Variants in ARHGAP39 observed in about 807,000 individuals in gnomAD.
ARHGAP39 encodes the protein rho GTPase-activating protein 39.
A neutral mutation model predicts 106.9 loss-of-function variants in ARHGAP39; 44 were observed. The observed-to-expected ratio is 0.41, with a 90% CI of 0.32 to 0.53. The LOEUF (loss-of-function observed/expected upper bound fraction) is 0.53, where lower values mean the gene tolerates loss of function less well. Ranked by LOEUF, ARHGAP39 falls within the 20% of genes least tolerant of loss-of-function variation. ARHGAP39 has a pLI of 0.21. For missense variants in ARHGAP39, 1,496 were observed against 1,577.3 expected (o/e 0.95, Z 0.87); for synonymous variants, 768 against 693.2 (o/e 1.11, Z -1.69).
intron 1 of ARHGAP39, among the ~76,000 whole-genome samples, chr8:144,610,919 C>G: frequency 6.6e-6 from 1 of 152,108 alleles, no homozygotes; most frequent in South Asian, 2.1e-4. Context: ...CAGGTTCAAG[C>G]GATTCTCCTG....
intron 3 of ARHGAP39, among the ~76,000 whole-genome samples, chr8:144,568,195 G>A (rs1187864984): frequency 6.6e-6 from 1 of 151,874 alleles, no homozygotes; most frequent in African/African-American, 2.4e-5. Flanking sequence ...TTAGCTGGGT[G>A]TGGTGGCACA....
intron 1 of ARHGAP39, among the ~76,000 whole-genome samples, chr8:144,616,665 G>A (rs1732856104): frequency 6.6e-6 from 1 of 152,264 alleles, no homozygotes; most frequent in African/African-American, 2.4e-5. Flanking sequence ...GGGGGCCCAA[G>A]GGCCATAGGG....
intron 2 of ARHGAP39, among the ~76,000 whole-genome samples, chr8:144,602,902 CCT>C (rs1820103124): frequency 1.1e-5 from 1 of 94,064 alleles, no homozygotes; most frequent in Non-Finnish European, 2.0e-5. Flanking sequence ...AGCTCATGTA[CCT>C]GTGTGTGTGT....
intron 3 of ARHGAP39, among the ~76,000 whole-genome samples, chr8:144,573,975 C>T (rs986050519): frequency 4.0e-5 from 6 of 151,188 alleles, no homozygotes; most frequent in African/African-American, 1.2e-4. Context: ...GAGTTTGAGA[C>T]CAGCCTGGCC....
At position 144,586,124 on chromosome 8, in the gene ARHGAP39, G is replaced by A. The variant is rs1819175882; in HGVS notation, c.81-4847C>T. 6.6e-6 allele frequency: 1 copy of A among 152,396 alleles called. No homozygotes were observed. The highest frequency in any genetic ancestry group is 1.5e-5 in the Non-Finnish European group (1 of 68,208). The allele number at this position is 152,396 out of a possible 1,614,324, so 9.4% of individuals were successfully genotyped here. A position where few individuals can be genotyped will look rare whatever the true frequency, so the allele number is the denominator to read the frequency against. ...CCCCCAAGTAGCTGGGATTACAGGT[G>A]TATGCCACCACAGCTGGCTATTTTT... On this transcript the variant is annotated intron_variant, in intron 2 of 11. Transcript: ENST00000377307. This position sits in a 1 kb window ranked among gnomAD's most constrained non-coding sequence, Gnocchi z 4.2.
intron 2 of ARHGAP39, among the ~76,000 whole-genome samples, chr8:144,597,067 C>T (rs1328924567): frequency 1.3e-5 from 2 of 152,210 alleles, no homozygotes; most frequent in South Asian, 2.1e-4. Flanking sequence ...TCCCTCTGGG[C>T]CTTGACATCC....
chr8:144,614,517 T>A (rs2130959499), intron 1 of ARHGAP39, among the ~76,000 whole-genome samples: 1 of 152,244 alleles, frequency 6.6e-6, no homozygotes, highest in African/African-American at 2.4e-5. Context: ...CACGCCCAGC[T>A]AATTTTTGTA....
intron 2 of ARHGAP39, among the ~76,000 whole-genome samples, chr8:144,601,797 G>A (rs1300473991): frequency 1.5e-5 from 2 of 135,962 alleles, no homozygotes; most frequent in Non-Finnish European, 3.1e-5. Context: ...GTGTGCTAAT[G>A]TACCTGTGTG....
Position 144,563,789 on chromosome 8 carries a change from T to TC in ARHGAP39, c.513-8147_513-8146insG, listed in dbSNP as rs1554921887. On this transcript the variant is annotated intron_variant, in intron 3 of 11. Transcript: ENST00000377307. Reference sequence around the variant, plus strand: ...ATGGGTAACAGCGAGACCTTGTATCTAAAAAAAATAATAATAAAATAAATA... The same window carrying TC: ...ATGGGTAACAGCGAGACCTTGTATCTCAAAAAAAATAATAATAAAATAAATA... 7.6e-3 allele frequency among the ~76,000 whole-genome samples: 1,155 copies of TC among 151,458 alleles called. 7 individuals carry two copies. Among genetic ancestry groups the TC allele is most frequent in the Non-Finnish European group, 0.013 (879 of 67,878 alleles).
the ARHGAP39 span, among the ~76,000 whole-genome samples, chr8:144,697,571 G>C: frequency 6.6e-6 from 1 of 151,890 alleles, no homozygotes; most frequent in East Asian, 1.9e-4. Flanking sequence ...CCAGGCTGGA[G>C]TGCAATGGCG....
chr8:144,674,647 G>A (rs1449004106), intron 1 of ARHGAP39, among the ~76,000 whole-genome samples: 1 of 152,168 alleles, frequency 6.6e-6, no homozygotes, highest in Non-Finnish European at 1.5e-5. Flanking sequence ...CCAGGAGCCT[G>A]TCTGCCTCCT....
intron 2 of ARHGAP39, among the ~76,000 whole-genome samples, chr8:144,599,942 G>C (rs951235997): frequency 6.6e-6 from 1 of 152,236 alleles, no homozygotes; most frequent in South Asian, 2.1e-4. Flanking sequence ...GGGAAGAAGA[G>C]ATGTGATGGA....
chr8:144,539,924 C>CA (rs959521044), intron 6 of ARHGAP39, among the ~76,000 whole-genome samples: 21 of 151,914 alleles, frequency 1.4e-4, no homozygotes, highest in Admixed American at 4.6e-4. Context: ...ATTTCTAAAA[C>CA]AAAAAAAAGT....
chr8:144,544,662 G>A (rs1298174222), intron 6 of ARHGAP39, among the ~76,000 whole-genome samples: 2 of 152,248 alleles, frequency 1.3e-5, no homozygotes, highest in Non-Finnish European at 2.9e-5. Context: ...GGCAGACTCT[G>A]GCCTCCCACG....
intron 2 of ARHGAP39, among the ~76,000 whole-genome samples, chr8:144,589,279 T>C (rs1819301230): frequency 6.6e-6 from 1 of 152,244 alleles, no homozygotes; most frequent in African/African-American, 2.4e-5. Context: ...AATTTTATAC[T>C]CTATAAATTA....
At chr8:144,600,320 G>C (rs1819813377) in intron 2 of ARHGAP39, among the ~76,000 whole-genome samples, 1 of 151,706 alleles carries the variant, frequency 6.6e-6, no homozygotes, top group Non-Finnish European at 1.5e-5. Flanking sequence ...AGGCGTGCGT[G>C]TGCACTTGTG....
chr8:144,618,985 G>C (rs1458473008), intron 1 of ARHGAP39, among the ~76,000 whole-genome samples: 1 of 152,232 alleles, frequency 6.6e-6, no homozygotes, highest in Non-Finnish European at 1.5e-5. Context: ...GGCCCCCAGG[G>C]CCTGTGGTGG....
rs562764698 is a variant in ARHGAP39, at chr8:144,619,987, CGT to C, written c.-81-14294_-81-14293del. Among the ~76,000 whole-genome samples the C allele has an allele frequency of 2.9e-3, 392 of 135,354 alleles. 3 individuals carry two copies. Among genetic ancestry groups the C allele is most frequent in the Middle Eastern group, 5.3e-3 (1 of 188 alleles). 88.8% of individuals were successfully genotyped at this position (135,354 alleles called of 152,430 possible). A position where few individuals can be genotyped will look rare whatever the true frequency, so the allele number is the denominator to read the frequency against. On this transcript the variant is annotated intron_variant, in intron 1 of 11. Coordinates refer to ENST00000377307, the MANE Select transcript of ARHGAP39 (RefSeq NM_025251.3). ...GCGTGTGAGCCTGTGCATCTGAGAG[CGT>C]GTGTGCCCATGTGTGAGCCTGTGCG...
chr8:144,659,011 C>T (rs907251206), intron 1 of ARHGAP39, among the ~76,000 whole-genome samples: 2 of 152,014 alleles, frequency 1.3e-5, no homozygotes, highest in African/African-American at 4.8e-5. Context: ...GATGTGGCAG[C>T]CCAACAGGGT....
Sources: allele counts gnomAD v4.1 joint callset (sites outside exome capture counted in the v4.1 genomes callset), GRCh38; gene constraint gnomAD v4.1.1; non-coding constraint Gnocchi (gnomAD v3.1); transcripts MANE v1.5; gene names NCBI Gene and HGNC (gene_info 2026-07-23, HGNC 2026-07-21).